PDE4B: variants seen among roughly 807,000 people sequenced by gnomAD.
The protein encoded by PDE4B is 3',5'-cyclic-AMP phosphodiesterase 4B.
A neutral mutation model predicts 82.2 loss-of-function variants in PDE4B; 20 were observed. The ratio of observed to expected loss-of-function variants is 0.24; its 90% CI spans 0.17 to 0.35. The LOEUF is 0.35. Among genes scored for constraint, PDE4B ranks in the 10% least tolerant of loss-of-function variants. PDE4B has a pLI of 1.00. For missense variants in PDE4B, 655 were observed against 907.2 expected (o/e 0.72, Z 3.57); for synonymous variants, 320 against 318.9 (o/e 1.00, Z -0.04).
intron 3 of PDE4B, among the ~76,000 whole-genome samples, chr1:66,168,129 C>T (rs1371499937): frequency 6.6e-6 from 1 of 152,126 alleles, no homozygotes; most frequent in African/African-American, 2.4e-5. Context: ...TAGCTGAAAA[C>T]CTCCAGACTG....
intron 6 of PDE4B, among the ~76,000 whole-genome samples, chr1:66,259,958 G>A (rs1654559046): frequency 1.3e-5 from 2 of 152,180 alleles, no homozygotes; most frequent in South Asian, 4.2e-4. Flanking sequence ...GTTTTCTAAT[G>A]TGTAAAATAG....
intron 3 of PDE4B, among the ~76,000 whole-genome samples, chr1:66,017,380 A>T (rs923562821): frequency 1.3e-4 from 20 of 152,212 alleles, no homozygotes; most frequent in Non-Finnish European, 2.4e-4. Flanking sequence ...TTTAAAAATT[A>T]AAAAAGCTAC....
intron 3 of PDE4B, among the ~76,000 whole-genome samples, chr1:66,115,494 A>G (rs369040395): frequency 7.2e-5 from 11 of 152,256 alleles, no homozygotes; most frequent in African/African-American, 2.7e-4. Context: ...TTATGAATTC[A>G]TCAAGCATTT....
intron 1 of PDE4B, among the ~76,000 whole-genome samples, chr1:65,873,764 G>A (rs1395986117): frequency 6.6e-6 from 1 of 152,122 alleles, no homozygotes; most frequent in African/African-American, 2.4e-5. Context: ...ACATATATGT[G>A]TTAGGGCTTG....
At chr1:65,963,137 T>G (rs746267342) in intron 3 of PDE4B, among the ~76,000 whole-genome samples, 1 of 152,200 alleles carries the variant, frequency 6.6e-6, no homozygotes, top group African/African-American at 2.4e-5. Context: ...CACCACTGGA[T>G]GCATACTGCC....
intron 3 of PDE4B, among the ~76,000 whole-genome samples, chr1:66,234,640 C>A (rs1652259980): frequency 6.6e-6 from 1 of 151,958 alleles, no homozygotes; most frequent in Non-Finnish European, 1.5e-5. Context: ...TCTTTAGAGT[C>A]TATCCTGTTA....
chr1:66,355,231 G>C, intron 8 of PDE4B: 1 of 358,942 alleles, frequency 2.8e-6, no homozygotes, highest in Non-Finnish European at 4.9e-6. Flanking sequence ...ATTTTTAAAA[G>C]TAGGTACAGT....
intron 3 of PDE4B, among the ~76,000 whole-genome samples, chr1:65,967,100 A>G (rs1398133349): frequency 1.3e-5 from 2 of 152,222 alleles, no homozygotes; most frequent in Non-Finnish European, 2.9e-5. Flanking sequence ...GTGAACAGGC[A>G]ACCTACAGAA....
chr1:66,191,510 AG>A (rs554848734), intron 3 of PDE4B, among the ~76,000 whole-genome samples: 24 of 152,304 alleles, frequency 1.6e-4, no homozygotes, highest in Non-Finnish European at 2.9e-4. Flanking sequence ...TTCACATCAA[AG>A]TAAATGTGAG....
rs1190896206 is a variant in PDE4B, at chr1:66,083,020, C to T, written c.281+164185C>T. Among the ~76,000 whole-genome samples, 4 of 152,086 alleles carry T rather than the reference C, an allele frequency of 2.6e-5. No individual in the cohort carries two copies. The South Asian group carries it at 8.3e-4, about 31-fold the overall frequency. ...TCTCCAAAGAAAGAAATATTTTCTT[C>T]AAAGTATTTCAAAGTCTCTCCTTTG... On this transcript the variant is annotated intron_variant, in intron 3 of 16. Coordinates refer to ENST00000341517, the MANE Select transcript of PDE4B (RefSeq NM_002600.4).
intron 7 of PDE4B, chr1:66,267,504 A>C (rs528139586): frequency 6.6e-6 from 1 of 152,338 alleles, no homozygotes; most frequent in South Asian, 2.1e-4. Context: ...AATACTGACA[A>C]ACATTAGGAG....
intron 3 of PDE4B, among the ~76,000 whole-genome samples, chr1:66,027,672 A>G (rs1653522801): frequency 6.6e-6 from 1 of 152,234 alleles, no homozygotes; most frequent in South Asian, 2.1e-4. Context: ...AGGTACAGGC[A>G]TTGGGTAAAT....
chr1:66,215,516 G>T (rs932446747), intron 3 of PDE4B, among the ~76,000 whole-genome samples: 1 of 152,150 alleles, frequency 6.6e-6, no homozygotes, highest in Non-Finnish European at 1.5e-5. Context: ...GGAGGGAGGA[G>T]TTGTAAGCTG....
intron 7 of PDE4B, among the ~76,000 whole-genome samples, chr1:66,269,393 G>T (rs76552066): frequency 2.0e-5 from 3 of 152,146 alleles, no homozygotes; most frequent in Non-Finnish European, 4.4e-5. Flanking sequence ...CCTCCTAGGG[G>T]TGTCGAAAAT....
At chr1:65,901,729 G>A (rs1646974076) in intron 1 of PDE4B, among the ~76,000 whole-genome samples, 1 of 151,930 alleles carries the variant, frequency 6.6e-6, no homozygotes, top group Admixed American at 6.6e-5. Context: ...TATTCATCTT[G>A]TTTATCTTTT....
chr1:66,191,539 T>C (rs928525183), intron 3 of PDE4B, among the ~76,000 whole-genome samples: 4 of 152,212 alleles, frequency 2.6e-5, no homozygotes, highest in Non-Finnish European at 5.9e-5. Flanking sequence ...ATCAGATTAC[T>C]GTCGAGTCAA....
chr1:66,011,223 C>CA (rs11372306), intron 3 of PDE4B, among the ~76,000 whole-genome samples: 111,033 of 133,726 alleles, frequency 0.83, 45,775 homozygotes, highest in Admixed American at 0.85. Flanking sequence ...ATTCATCTGC[C>CA]AAAAAAAAAA....
At chr1:66,075,387 A>G (rs1656367480) in intron 3 of PDE4B, among the ~76,000 whole-genome samples, 1 of 150,114 alleles carries the variant, frequency 6.7e-6, no homozygotes, top group Non-Finnish European at 1.5e-5. Context: ...TCATATGGTA[A>G]TTCTTTGTTA....
chr1:66,365,798 T>C, intron 13 of PDE4B, 32 bp downstream of exon 13: 1 of 1,236,790 alleles, frequency 8.1e-7, no homozygotes, highest in East Asian at 2.4e-5. Flanking sequence ...TCATTCCAGA[T>C]AATTGTATGA....
Sources: allele counts gnomAD v4.1 joint callset (sites outside exome capture counted in the v4.1 genomes callset), GRCh38; gene constraint gnomAD v4.1.1; transcripts MANE v1.5; gene names NCBI Gene and HGNC (gene_info 2026-07-23, HGNC 2026-07-21).